L2HGDH: variants seen among roughly 807,000 people sequenced by gnomAD.
L2HGDH encodes the protein L-2-hydroxyglutarate dehydrogenase, mitochondrial.
In L2HGDH, 34 loss-of-function variants were observed where a neutral mutation model predicts 51.5. The observed-to-expected ratio is 0.66, with a 90% CI of 0.50 to 0.88. The LOEUF is 0.88. L2HGDH is among the 40% of genes least tolerant of loss of function. L2HGDH has a pLI of 0.00. For missense variants in L2HGDH, 558 were observed against 571.9 expected (o/e 0.98, Z 0.25); for synonymous variants, 198 against 197.9 (o/e 1.00, Z -0.01).
At chr14:50,302,839 A>C in intron 2 of L2HGDH, 63 bp downstream of exon 2, 1 of 1,084,540 alleles carries the variant, frequency 9.2e-7, no homozygotes, top group Non-Finnish European at 1.4e-6. Context: ...TGAAAGATTC[A>C]CAACAGACAA....
Position 50,286,755 on chromosome 14 carries a change from G to A in L2HGDH, c.541-2722C>T, listed in dbSNP as rs140118987. Among the ~76,000 whole-genome samples the A allele has an allele frequency of 5.7e-3, 875 of 152,274 alleles. 7 individuals carry two copies. The highest frequency in any genetic ancestry group is 8.9e-3 in the Non-Finnish European group (602 of 68,018). On this transcript the variant is annotated intron_variant, in intron 4 of 9. Transcript: ENST00000267436. The stretch of plus-strand genomic sequence containing the variant: ...GAGAGAAGCAGAATATGCCTCTTTT[G>A]TAAGTTATTTTACTCATTCATCTTT...
intron 9 of L2HGDH, among the ~76,000 whole-genome samples, chr14:50,264,096 G>A (rs1480340354): frequency 1.3e-5 from 2 of 151,160 alleles, no homozygotes; most frequent in African/African-American, 2.4e-5. Flanking sequence ...AATAAAAGAT[G>A]TGGCTGGGTG....
rs1272373271 is a variant in L2HGDH at position 50,244,892 on chromosome 14, C to G, written c.*2166G>C. 2.0e-6 allele frequency: 2 copies of G among 985,288 alleles called. No homozygotes were observed. The highest frequency in any genetic ancestry group is 2.4e-6 in the Non-Finnish European group (2 of 829,926). 61.0% of individuals were successfully genotyped at this position (985,288 alleles called of 1,614,324 possible). A position where few individuals can be genotyped will look rare whatever the true frequency, so the allele number is the denominator to read the frequency against. On this transcript the variant is annotated 3_prime_UTR_variant, in exon 10 of 10. Coordinates refer to ENST00000267436, the MANE Select transcript of L2HGDH (RefSeq NM_024884.3). ...GAAGATGAATCCTGAGAGAGCAAATCAGAGAGAATGGATGAAAATGCCTCA... is the reference window on the plus strand; with the variant it reads ...GAAGATGAATCCTGAGAGAGCAAATGAGAGAGAATGGATGAAAATGCCTCA...
At chr14:50,249,089 C>T (rs1888179151) in intron 9 of L2HGDH, among the ~76,000 whole-genome samples, 1 of 152,172 alleles carries the variant, frequency 6.6e-6, no homozygotes, top group Non-Finnish European at 1.5e-5. Context: ...GCTCAGCCAG[C>T]GCCAGCACAT....
At position 50,312,152 on chromosome 14, in the gene L2HGDH, C is replaced by A; in HGVS notation, c.-2G>T. On this transcript the variant is annotated 5_prime_UTR_variant, in exon 1 of 10. Coordinates refer to ENST00000267436, the MANE Select transcript of L2HGDH (RefSeq NM_024884.3). ...CAAATAACGCAGCGCTGGCACCATC[C>A]CCTACGCACGCTCCCCTCCCTCAGC... is the stretch of plus-strand genomic sequence containing the variant. 6.2e-6 allele frequency: 10 copies of A among 1,609,908 alleles called. No individual in the cohort carries two copies. The highest frequency in any genetic ancestry group is 7.6e-6 in the Non-Finnish European group (9 of 1,179,268).
At position 50,310,936 on chromosome 14, in the gene L2HGDH, C is replaced by CTT. The variant is rs34399906; in HGVS notation, c.140+1073_140+1074dup. Among the ~76,000 whole-genome samples, 122 of 82,220 alleles carry CTT rather than the reference C, an allele frequency of 1.5e-3. 1 individual carries two copies. Among genetic ancestry groups the CTT allele is most frequent in the South Asian group, 4.1e-3 (8 of 1,944 alleles). 53.9% of individuals were successfully genotyped at this position (82,220 alleles called of 152,430 possible). ...GCCTCTTCTTTTTTTCTTTTCTTTT[C>CTT]TTTTTTTTTTTTTTTTTTTTTTTGC... On this transcript the variant is annotated intron_variant, in intron 1 of 9. Transcript: ENST00000267436.
chr14:50,297,447 T>C (rs1262330269), intron 3 of L2HGDH, among the ~76,000 whole-genome samples: 2 of 151,758 alleles, frequency 1.3e-5, no homozygotes, highest in African/African-American at 4.8e-5. Flanking sequence ...AAAATCAACA[T>C]ACAGAAATCA....
chr14:50,269,192 A>G lies in L2HGDH; in HGVS notation c.877T>C (p.Cys293Arg). The change falls in exon 7 of 10, where the codon TGT becomes CGT. Residue 293 changes from cysteine (C) to arginine (R), a missense_variant. Physicochemically the swap from Cys to Arg is radical, Grantham distance 180. This residue lies in a region of L2HGDH where 321 missense variants were observed against 311.8 expected (regional missense o/e 1.03). Transcript: ENST00000267436. ...GDYLLLKPEK[C>R]YLVKGNIYPV... ...TAAATATTTCCTTTTACAAGATAACATTTTTCTGGCTTCAAAAGCAGGTAA... is the reference window on the plus strand; with the variant it reads ...TAAATATTTCCTTTTACAAGATAACGTTTTTCTGGCTTCAAAAGCAGGTAA... 1 of 1,613,902 alleles carries G rather than the reference A, an allele frequency of 6.2e-7. No homozygotes were observed. Among genetic ancestry groups the G allele is most frequent in the Non-Finnish European group, 8.5e-7 (1 of 1,179,952 alleles).
At chr14:50,269,042 G>T in intron 7 of L2HGDH, 121 bp downstream of exon 7, 20 of 718,592 alleles carry the variant, frequency 2.8e-5, no homozygotes, top group Middle Eastern at 3.9e-4. Flanking sequence ...CCGATGAAAT[G>T]CTTACAAAAA....
At chr14:50,258,254 C>G (rs1888796781) in intron 9 of L2HGDH, among the ~76,000 whole-genome samples, 1 of 152,002 alleles carries the variant, frequency 6.6e-6, no homozygotes, top group Non-Finnish European at 1.5e-5. Flanking sequence ...CTCACTCTGT[C>G]ACCCAGGCTG....
rs575980888 is a variant in L2HGDH at position 50,246,824 on chromosome 14, T to C, written c.*234A>G. ...GCTCACCTCCGTCTGCTCGGTTCAA[T>C]TGATTCTCCTGCCTCAGCCTCCTGA... On this transcript the variant is annotated 3_prime_UTR_variant, in exon 10 of 10. Coordinates refer to ENST00000267436, the MANE Select transcript of L2HGDH (RefSeq NM_024884.3). 14 of 565,402 alleles carry C rather than the reference T, an allele frequency of 2.5e-5. No individual in the cohort carries two copies. In the East Asian group the frequency reaches 3.1e-4, roughly 13 times the overall value. The allele number at this position is 565,402 out of a possible 1,614,324, so 35.0% of individuals were successfully genotyped here.
In L2HGDH at chr14:50,269,349, A is replaced by G. The variant is rs1889535056; in HGVS notation, c.739-19T>C. Reference sequence around the variant, plus strand: ...CCTCTCCCTAGTGCAAAATAAAAGAACAGTTATTTGTATAAAGTGGAGTAG... The same window carrying G: ...CCTCTCCCTAGTGCAAAATAAAAGAGCAGTTATTTGTATAAAGTGGAGTAG... On this transcript the variant is annotated intron_variant, in intron 6 of 9. Coordinates refer to ENST00000267436, the MANE Select transcript of L2HGDH (RefSeq NM_024884.3). 6.2e-7 allele frequency: 1 copy of G among 1,611,154 alleles called. No homozygotes were observed. Among genetic ancestry groups the G allele is most frequent in the African/African-American group, 1.3e-5 (1 of 74,986 alleles).
At chr14:50,253,015 G>A (rs1360596271) in intron 9 of L2HGDH, among the ~76,000 whole-genome samples, 1 of 151,964 alleles carries the variant, frequency 6.6e-6, no homozygotes, top group Non-Finnish European at 1.5e-5. Flanking sequence ...TCATTCTCAG[G>A]GATAGACCAT....
In L2HGDH at chr14:50,303,199, G is replaced by A. The variant is rs549832896; in HGVS notation, c.141-182C>T. ...AGCACTTTGAGTGGCCGAGGGGGGCGGATCACGAGGTCAAGAGATCGAGAC... is the reference window on the plus strand; with the variant it reads ...AGCACTTTGAGTGGCCGAGGGGGGCAGATCACGAGGTCAAGAGATCGAGAC... On this transcript the variant is annotated intron_variant, in intron 1 of 9. Coordinates refer to ENST00000267436, the MANE Select transcript of L2HGDH (RefSeq NM_024884.3). Among the ~76,000 whole-genome samples, 110 of 152,216 alleles carry A rather than the reference G, an allele frequency of 7.2e-4. 2 individuals carry two copies. Among genetic ancestry groups the A allele is most frequent in the Non-Finnish European group, 1.9e-4 (13 of 68,006 alleles).
chr14:50,257,077 A>T (rs138211842), intron 9 of L2HGDH, among the ~76,000 whole-genome samples: 2 of 152,216 alleles, frequency 1.3e-5, no homozygotes, highest in Non-Finnish European at 2.9e-5. Flanking sequence ...CTGGGATTAC[A>T]GGTGCCCACC....
chr14:50,289,194 T>C (rs193270459), intron 4 of L2HGDH, among the ~76,000 whole-genome samples: 1 of 152,218 alleles, frequency 6.6e-6, no homozygotes, highest in Admixed American at 6.5e-5. Context: ...AGCCCTTATA[T>C]CAGTTATTCA....
chr14:50,311,405 C>G, intron 1 of L2HGDH: 1 of 456,050 alleles, frequency 2.2e-6, no homozygotes, highest in Non-Finnish European at 4.4e-6. Flanking sequence ...CCTCTCCAAG[C>G]CTTACAGCCT....
chr14:50,267,134 C>G (rs1055830104), intron 8 of L2HGDH, among the ~76,000 whole-genome samples: 6 of 150,304 alleles, frequency 4.0e-5, no homozygotes, highest in African/African-American at 2.4e-5. Flanking sequence ...TTGGCCTTAT[C>G]TTCTTTTTAT....
chr14:50,297,371 G>GACAC (rs71118863), intron 3 of L2HGDH, among the ~76,000 whole-genome samples: 8 of 150,700 alleles, frequency 5.3e-5, no homozygotes, highest in South Asian at 2.1e-4. Flanking sequence ...GGAATTCATA[G>GACAC]ACACACACAC....
Sources: allele counts gnomAD v4.1 joint callset (sites outside exome capture counted in the v4.1 genomes callset), GRCh38; gene constraint gnomAD v4.1.1; regional missense constraint gnomAD v4.1.1; transcripts MANE v1.5; gene names NCBI Gene and HGNC (gene_info 2026-07-23, HGNC 2026-07-21).